The following SLC3A1 variants were observed in gnomAD, a reference collection of about 807,000 sequenced individuals.
SLC3A1 encodes the protein solute carrier family 3 member 1.
A neutral mutation model predicts 60.3 loss-of-function variants in SLC3A1; 78 were observed. The ratio of observed to expected loss-of-function variants is 1.29; its 90% confidence interval spans 1.08 to 1.56. SLC3A1 has a LOEUF of 1.56. SLC3A1 is among the 40% of genes most tolerant of loss of function. The pLI, the probability that SLC3A1 is intolerant of heterozygous loss-of-function variation, is 0.00. For missense variants in SLC3A1, 1,172 were observed against 858.9 expected (o/e 1.36, Z -4.56); for synonymous variants, 392 against 307.9 (o/e 1.27, Z -2.86).
At chr2:44,310,577 C>G (rs894937192) in intron 7 of SLC3A1, among the ~76,000 whole-genome samples, 1 of 152,058 alleles carries the variant, frequency 6.6e-6, no homozygotes, top group South Asian at 2.1e-4. Context: ...TGTCTTTTAA[C>G]GGTTTGACTG....
chr2:44,304,227 T>G lies in SLC3A1; in HGVS notation c.1221T>G (p.Phe407Leu). ...YGLPFIQEAD[F>L]PFNNYLSMLD... ...TGCCATTTATCCAAGAAGCTGATTT[T>G]CCCTTCAACAATTACCTCAGCATGC... Residue 407 changes from phenylalanine to leucine, a missense_variant, in exon 7 of 10, where the codon TTT (phenylalanine) becomes TTG (leucine). Coordinates refer to ENST00000260649, the MANE Select transcript of SLC3A1 (RefSeq NM_000341.4). 6.2e-7 allele frequency: 1 copy of G among 1,614,108 alleles called. No homozygotes were observed. The highest frequency in any genetic ancestry group is 8.5e-7 in the Non-Finnish European group (1 of 1,179,930).
intron 7 of SLC3A1, among the ~76,000 whole-genome samples, chr2:44,310,858 G>A (rs1464020829): frequency 6.6e-6 from 1 of 151,896 alleles, no homozygotes; most frequent in Non-Finnish European, 1.5e-5. Context: ...GAGTGCAGTG[G>A]TGTAAACATG....
chr2:44,281,249 C>T, intron 2 of SLC3A1, 138 bp from the exon 3 acceptor site: 1 of 733,530 alleles, frequency 1.4e-6, no homozygotes, highest in South Asian at 1.6e-5. Flanking sequence ...GCCTCCACCT[C>T]CTGGGCTCAA....
Position 44,320,400 on chromosome 2 carries a change from C to A in SLC3A1, c.1819C>A (p.Leu607Ile), listed in dbSNP as rs1572831410. The A allele has an allele frequency of 2.5e-6, 4 of 1,614,042 alleles. No homozygotes were observed. Among genetic ancestry groups the A allele is most frequent in the East Asian group, 2.2e-5 (1 of 44,882 alleles). ...LNFGESTLLN[L>I]HNMISGLPAK... Reference sequence around the variant, plus strand: ...TTTTGGAGAATCAACACTGTTAAATCTACATAATATGATTTCGGGCCTTCC... The same window carrying A: ...TTTTGGAGAATCAACACTGTTAAATATACATAATATGATTTCGGGCCTTCC... The change falls in exon 10 of 10, where the codon CTA becomes ATA. Residue 607 changes from leucine (L) to isoleucine (I), a missense_variant. Physicochemically the swap from Leu to Ile is conservative, Grantham distance 5. Coordinates refer to ENST00000260649, the MANE Select transcript of SLC3A1 (RefSeq NM_000341.4).
intron 4 of SLC3A1, among the ~76,000 whole-genome samples, chr2:44,296,014 G>C (rs998320079): frequency 3.3e-5 from 5 of 152,184 alleles, no homozygotes; most frequent in African/African-American, 1.2e-4. Context: ...GAGCAAAGAA[G>C]GGGAGTTAGA....
At chr2:44,317,200 C>A (rs1469582542) in intron 9 of SLC3A1, among the ~76,000 whole-genome samples, 1 of 152,140 alleles carries the variant, frequency 6.6e-6, no homozygotes, top group Admixed American at 6.5e-5. Flanking sequence ...TGGTGGCTCA[C>A]GCCTATAATC....
At chr2:44,308,066 C>G (rs1290393369) in intron 7 of SLC3A1, among the ~76,000 whole-genome samples, 1 of 152,078 alleles carries the variant, frequency 6.6e-6, no homozygotes, top group Non-Finnish European at 1.5e-5. Flanking sequence ...CCCAGGAGTT[C>G]AAGTTTGCCT....
chr2:44,298,014 T>C (rs568226508), intron 4 of SLC3A1, among the ~76,000 whole-genome samples: 1 of 152,334 alleles, frequency 6.6e-6, no homozygotes, highest in African/African-American at 2.4e-5. Context: ...TTTCTGGCTA[T>C]TATGAATAAT....
At chr2:44,282,566 GCCCA>G (rs1314962276) in intron 3 of SLC3A1, among the ~76,000 whole-genome samples, 1 of 152,096 alleles carries the variant, frequency 6.6e-6, no homozygotes, top group African/African-American at 2.4e-5. Flanking sequence ...AATTCAGAAT[GCCCA>G]GTTAAATCTG....
intron 7 of SLC3A1, among the ~76,000 whole-genome samples, chr2:44,311,917 G>C (rs1376619481): frequency 1.3e-5 from 2 of 152,120 alleles, no homozygotes; most frequent in Non-Finnish European, 1.5e-5. Context: ...GGAAATATAG[G>C]TGTGAAAGTA....
intron 4 of SLC3A1, among the ~76,000 whole-genome samples, chr2:44,294,470 G>A (rs547842748): frequency 7.5e-4 from 112 of 148,912 alleles, no homozygotes; most frequent in African/African-American, 1.5e-3. Context: ...ACCACTGTAC[G>A]CCAGCCTGGG....
chr2:44,311,391 G>T (rs1210736940), intron 7 of SLC3A1, among the ~76,000 whole-genome samples: 1 of 151,902 alleles, frequency 6.6e-6, no homozygotes, highest in Admixed American at 6.6e-5. Context: ...AGCAATATTT[G>T]CTATTGACTC....
chr2:44,286,589 C>G (rs1671619131), intron 4 of SLC3A1, among the ~76,000 whole-genome samples: 1 of 124,340 alleles, frequency 8.0e-6, no homozygotes, highest in Admixed American at 8.6e-5. Flanking sequence ...TGACGGTGAG[C>G]TGTGCGGTGT....
chr2:44,302,119 A>G (rs1215153650), intron 6 of SLC3A1, among the ~76,000 whole-genome samples: 6 of 152,176 alleles, frequency 3.9e-5, no homozygotes, highest in Non-Finnish European at 8.8e-5. Flanking sequence ...TATTGGATCT[A>G]TAGTTTCCTA....
At chr2:44,291,935 G>C (rs762241300) in intron 4 of SLC3A1, among the ~76,000 whole-genome samples, 4 of 152,136 alleles carry the variant, frequency 2.6e-5, no homozygotes, top group Non-Finnish European at 4.4e-5. Context: ...TGAACCTCTT[G>C]GGGCTTGAGT....
At chr2:44,317,931 A>C in intron 9 of SLC3A1, 1 of 249,896 alleles carries the variant, frequency 4.0e-6, no homozygotes, top group Non-Finnish European at 8.1e-6. Context: ...CATAAAACAC[A>C]AAGAATTAAA....
At chr2:44,320,136 A>C (rs2103639787) in intron 9 of SLC3A1, 63 bp from the exon 10 acceptor site, 4 of 1,422,802 alleles carry the variant, frequency 2.8e-6, no homozygotes, top group Middle Eastern at 2.4e-4. Flanking sequence ...ACAATATATT[A>C]AAAATACTTA....
At chr2:44,312,868 G>C in intron 8 of SLC3A1, 115 bp downstream of exon 8, 3 of 846,362 alleles carry the variant, frequency 3.5e-6, no homozygotes, top group South Asian at 1.5e-5. Flanking sequence ...GAAAATCATG[G>C]TTACTTTGCT....
intron 7 of SLC3A1, among the ~76,000 whole-genome samples, chr2:44,305,769 G>A (rs1244685905): frequency 6.6e-6 from 1 of 151,912 alleles, no homozygotes; most frequent in Non-Finnish European, 1.5e-5. Flanking sequence ...ACTCTAAAAT[G>A]CCTCTTTAGT....
Sources: gnomAD v4.1 joint callset for allele counts (sites outside exome capture counted in the v4.1 genomes callset) on GRCh38, gnomAD v4.1.1 for gene constraint, MANE v1.5 for transcripts, NCBI Gene and HGNC (gene_info 2026-07-23, HGNC 2026-07-21) for gene names.